AGO3: variants seen among roughly 807,000 people sequenced by gnomAD.
The protein encoded by AGO3 is protein argonaute-3.
Under a neutral mutation model 105.5 loss-of-function variants are expected in AGO3, and 16 were observed. That is an observed-to-expected ratio of 0.15 (90% CI 0.10 to 0.23). AGO3 has a LOEUF of 0.23. Ranked by LOEUF, AGO3 falls within the 10% of genes least tolerant of loss-of-function variation. The pLI is 1.00. For synonymous variants in AGO3, 340 were observed against 367.3 expected, an observed-to-expected ratio of 0.93 and a Z score of 0.85; for missense variants, 534 against 1,088.0, an observed-to-expected ratio of 0.49 and a Z score of 7.16.
intron 8 of AGO3, 196 bp from the exon 9 acceptor site, chr1:36,009,279 C>T: frequency 2.5e-6 from 2 of 801,792 alleles, no homozygotes; most frequent in Non-Finnish European, 3.7e-6. Flanking sequence ...TTTCAGTCTT[C>T]ATCTGGTGTA....
intron 5 of AGO3, among the ~76,000 whole-genome samples, chr1:35,993,065 G>C (rs892921656): frequency 3.3e-5 from 5 of 152,154 alleles, no homozygotes; most frequent in African/African-American, 1.2e-4. Context: ...TTAAGACCTA[G>C]CATTGAAAGT....
At chr1:35,978,859 T>C (rs6661151) in intron 5 of AGO3, among the ~76,000 whole-genome samples, 13,193 of 152,238 alleles carry the variant, frequency 0.087, 2,004 homozygotes, top group East Asian at 0.67. Flanking sequence ...ATCACTGTTT[T>C]AGCCGTATTA....
chr1:36,005,781 A>G (rs1640308656), intron 6 of AGO3: 1 of 985,296 alleles, frequency 1.0e-6, no homozygotes, highest in Non-Finnish European at 1.2e-6. Context: ...CTCGATCTTA[A>G]CTTCAACTGC....
chr1:36,048,877 T>G (rs1325210044), intron 17 of AGO3, among the ~76,000 whole-genome samples: 2 of 152,104 alleles, frequency 1.3e-5, no homozygotes, highest in African/African-American at 4.8e-5. Flanking sequence ...CCTGGCTTAT[T>G]TTTGTATTTT....
At chr1:36,013,235 A>C (rs187516345) in intron 9 of AGO3, among the ~76,000 whole-genome samples, 2 of 152,004 alleles carry the variant, frequency 1.3e-5, no homozygotes, top group African/African-American at 4.8e-5. Flanking sequence ...CACCACGCCC[A>C]GCCTAATTTT....
At chr1:35,941,605 A>C (rs1415613061) in intron 1 of AGO3, among the ~76,000 whole-genome samples, 1 of 152,166 alleles carries the variant, frequency 6.6e-6, no homozygotes, top group East Asian at 1.9e-4. Flanking sequence ...TAGCTATAAA[A>C]ATTTTAGGCA....
chr1:36,013,793 C>G (rs1569781904), intron 10 of AGO3, 41 bp downstream of exon 10: 1 of 1,606,232 alleles, frequency 6.2e-7, no homozygotes, highest in Non-Finnish European at 8.5e-7. Context: ...CACATATTGT[C>G]TGTAAGTATG....
Position 36,040,392 on chromosome 1 carries a change from T to C in AGO3, c.2123T>C (p.Val708Ala). Residue 708 changes from valine to alanine, a missense_variant, in exon 16 of 19, where the codon GTT becomes GCT. Coordinates refer to ENST00000373191, the MANE Select transcript of AGO3 (RefSeq NM_024852.4). ...CAACCTGGAATAACCTACATTGTAG[T>C]TCAGAAGAGACATCACACTCGATTA... Reference protein sequence around the residue: ...DYQPGITYIVVQKRHHTRLFC... With the variant: ...DYQPGITYIVAQKRHHTRLFC... 6.2e-7 allele frequency: 1 copy of C among 1,614,036 alleles called. No homozygotes were observed. Among genetic ancestry groups the C allele is most frequent in the East Asian group, 2.2e-5 (1 of 44,842 alleles).
chr1:36,040,162 C>T, intron 15 of AGO3, 145 bp from the exon 16 acceptor site: 4 of 1,165,448 alleles, frequency 3.4e-6, no homozygotes, highest in Non-Finnish European at 4.7e-6. Flanking sequence ...TTGCTAAGAC[C>T]ATGTTCTAAT....
chr1:36,034,480 A>G (rs1163538732), intron 13 of AGO3, 147 bp downstream of exon 13: 8 of 536,758 alleles, frequency 1.5e-5, no homozygotes, highest in Non-Finnish European at 2.3e-5. Context: ...TGGTAAAAAA[A>G]TAATTTGGAT....
At chr1:36,036,323 C>G in intron 14 of AGO3, 56 bp downstream of exon 14, 1 of 1,486,738 alleles carries the variant, frequency 6.7e-7, no homozygotes, top group South Asian at 1.2e-5. Flanking sequence ...ATCAATTTTG[C>G]AGTTTCAACT....
chr1:36,068,473 G>A lies in AGO3; in HGVS notation c.*12728G>A, dbSNP rs1643121797. On this transcript the variant is annotated 3_prime_UTR_variant, in exon 19 of 19. Coordinates refer to ENST00000373191, the MANE Select transcript of AGO3 (RefSeq NM_024852.4). ...GAGCCCAGGAGTTTAAAGCAAGCCT[G>A]GGCAATACAGCAAGACCCCAATCTT... The A allele has an allele frequency of 6.6e-6, 1 of 151,964 alleles. No homozygotes were observed. Among genetic ancestry groups the A allele is most frequent in the African/African-American group, 2.4e-5 (1 of 41,384 alleles). The allele number at this position is 151,964 out of a possible 1,614,324, so 9.4% of individuals were successfully genotyped here. A position where few individuals can be genotyped will look rare whatever the true frequency, so the allele number is the denominator to read the frequency against.
At chr1:35,932,599 C>G (rs189640150) in intron 1 of AGO3, among the ~76,000 whole-genome samples, 2 of 146,278 alleles carry the variant, frequency 1.4e-5, no homozygotes, top group African/African-American at 5.0e-5. Context: ...ATGGAAGTTT[C>G]TCTAATCAAT....
intron 6 of AGO3, 133 bp downstream of exon 6, chr1:36,004,608 A>C: frequency 1.2e-6 from 1 of 811,168 alleles, no homozygotes; most frequent in Non-Finnish European, 1.7e-6. Context: ...TTATAAAATA[A>C]AATATTACAT....
At chr1:35,956,252 A>G (rs1364411986) in intron 2 of AGO3, among the ~76,000 whole-genome samples, 1 of 152,196 alleles carries the variant, frequency 6.6e-6, no homozygotes, top group Admixed American at 6.5e-5. Context: ...ATGGCTTCAT[A>G]GTTCCTAGCT....
In AGO3 at chr1:35,937,680, A is replaced by G. The variant is rs557475356; in HGVS notation, c.19+6235A>G. On this transcript the variant is annotated intron_variant, in intron 1 of 18. Coordinates refer to ENST00000373191, the MANE Select transcript of AGO3 (RefSeq NM_024852.4). Reference sequence around the variant, plus strand: ...CCTCCAGCCTGGACCACAGTGCGAGATTCTGCTCAAAAAAAGAAATAAATT... The same window carrying G: ...CCTCCAGCCTGGACCACAGTGCGAGGTTCTGCTCAAAAAAAGAAATAAATT... 2.5e-4 allele frequency among the ~76,000 whole-genome samples: 38 copies of G among 152,276 alleles called. 1 individual carries two copies. The highest frequency in any genetic ancestry group is 8.7e-4 in the African/African-American group (36 of 41,552).
intron 14 of AGO3, among the ~76,000 whole-genome samples, chr1:36,036,658 C>G (rs1642022135): frequency 6.6e-6 from 1 of 152,114 alleles, no homozygotes; most frequent in African/African-American, 2.4e-5. Flanking sequence ...CACCTTCATC[C>G]AGGTCAATAC....
intron 9 of AGO3, among the ~76,000 whole-genome samples, chr1:36,012,905 T>TAA (rs565133192): frequency 5.5e-5 from 8 of 144,930 alleles, no homozygotes; most frequent in African/African-American, 5.0e-5. Flanking sequence ...TCCATCTCTT[T>TAA]AAAAAAAAAA....
chr1:36,051,620 A>G (rs1182411628), intron 17 of AGO3, among the ~76,000 whole-genome samples: 1 of 151,988 alleles, frequency 6.6e-6, no homozygotes, highest in African/African-American at 2.4e-5. Flanking sequence ...CTCAGGAGGC[A>G]GAGGTGGGAG....
Sources: allele counts gnomAD v4.1 joint callset (sites outside exome capture counted in the v4.1 genomes callset), GRCh38; gene constraint gnomAD v4.1.1; transcripts MANE v1.5; gene names NCBI Gene and HGNC (gene_info 2026-07-23, HGNC 2026-07-21).